The following NEB variants were observed in gnomAD, a reference collection of about 807,000 sequenced individuals.
NEB encodes the protein nebulin.
In NEB, 512 loss-of-function variants were observed where a neutral mutation model predicts 952.2. That is an observed-to-expected ratio of 0.54 (90% confidence interval 0.50 to 0.58). The LOEUF (loss-of-function observed/expected upper bound fraction) is 0.58. Among genes scored for constraint, NEB ranks in the 20% least tolerant of loss-of-function variants. NEB has a pLI of 0.00. For synonymous variants in NEB, 2,900 were observed against 3,149.8 expected, an observed-to-expected ratio of 0.92 and a Z score of 2.66; for missense variants, 8,428 against 9,231.1, an observed-to-expected ratio of 0.91 and a Z score of 3.56.
chr2:151,680,372 ATT>A (rs5835376), intron 30 of NEB, among the ~76,000 whole-genome samples: 1,477 of 145,540 alleles, frequency 0.01, 11 homozygotes, highest in Middle Eastern at 0.024. Context: ...ATTATATATG[ATT>A]TTTTTTTTTT....
At chr2:151,685,060 C>T in intron 27 of NEB, 85 bp from the exon 28 acceptor site, 2 of 1,345,902 alleles carry the variant, frequency 1.5e-6, no homozygotes, top group South Asian at 1.3e-5. Flanking sequence ...ACAATAAATA[C>T]AAGTTAGAGA....
At chr2:151,510,803 C>T (rs1373793271) in intron 161 of NEB, among the ~76,000 whole-genome samples, 1 of 152,154 alleles carries the variant, frequency 6.6e-6, no homozygotes, top group Admixed American at 6.5e-5. Context: ...AACATATCCC[C>T]CTCGGATAAG....
At position 151,643,179 on chromosome 2, in the gene NEB, C is replaced by A. The variant is rs1218410597; in HGVS notation, c.8131G>T (p.Ala2711Ser). 6.2e-7 allele frequency: 1 copy of A among 1,613,432 alleles called. No individual in the cohort carries two copies. The highest frequency in any genetic ancestry group is 8.5e-7 in the Non-Finnish European group (1 of 1,179,622). ...TTCATGGTAATAGCATTGTTTTTTG[C>A]CAAAACCATTGGTATGGAATCCATA... is the stretch of plus-strand genomic sequence containing the variant. ...SLMDSIPMVLAKNNAITMNHR... is the reference protein window; with the variant it reads ...SLMDSIPMVLSKNNAITMNHR... Residue 2711 changes from alanine to serine, a missense_variant, in exon 58 of 182, where the codon GCA becomes TCA. Ala to Ser is a moderately conservative substitution (Grantham distance 99, BLOSUM62 1). Transcript: ENST00000397345.
chr2:151,630,708 C>T lies in NEB; in HGVS notation c.9723+7G>A, dbSNP rs557480322. ...CACAATATAGCACCACAGATTTTTGCTCCTACCTCACTGTAGTTGATTTTG... is the reference window on the plus strand; with the variant it reads ...CACAATATAGCACCACAGATTTTTGTTCCTACCTCACTGTAGTTGATTTTG... On this transcript the variant is annotated splice_region_variant and intron_variant, in intron 67 of 181. Transcript: ENST00000397345. 317 of 1,592,854 alleles carry T rather than the reference C, an allele frequency of 2.0e-4. 1 individual carries two copies. In the South Asian group the frequency reaches 3.4e-3, roughly 17 times the overall value.
At chr2:151,685,064 T>C (rs2099484044) in intron 27 of NEB, 89 bp from the exon 28 acceptor site, 1 of 1,323,470 alleles carries the variant, frequency 7.6e-7, no homozygotes, top group Non-Finnish European at 1.0e-6. Context: ...TAAATACAAG[T>C]TAGAGAAAGA....
At chr2:151,697,710 CT>C in intron 13 of NEB, 62 bp from the exon 14 acceptor site, 1 of 1,020,384 alleles carries the variant, frequency 9.8e-7, no homozygotes, top group African/African-American at 1.6e-5. Context: ...GATTATAACA[CT>C]TACATTTTCT....
intron 181 of NEB, chr2:151,486,630 A>C (rs1459016844): frequency 6.6e-6 from 1 of 152,310 alleles, no homozygotes; most frequent in Non-Finnish European, 1.5e-5. Context: ...ATGCATAAGC[A>C]AGATCTGGTA....
chr2:151,661,997 G>A (rs1462889011), intron 46 of NEB, 138 bp downstream of exon 46: 16 of 615,966 alleles, frequency 2.6e-5, no homozygotes, highest in Middle Eastern at 4.3e-4. Flanking sequence ...TTTTTTTAAC[G>A]ACAAGACTCT....
Position 151,493,836 on chromosome 2 carries a change from G to C in NEB, c.24611C>G (p.Thr8204Ser). ...CATCTCAGGAGTAAAGGGTGTGGGG[G>C]TTGCTTTCCCCAGGTTCTCTTTGTA... Reference protein sequence around the residue: ...VLYKENLGKATPTPFTPEMER... With the variant: ...VLYKENLGKASPTPFTPEMER... The change falls in exon 175 of 182, where the codon ACC becomes AGC. Residue 8204 changes from threonine (T) to serine (S), a missense_variant. Physicochemically the swap from Thr to Ser is moderately conservative, Grantham distance 58. This residue lies in a region of NEB where 3,374 missense variants were observed against 3,651.5 expected (regional missense o/e 0.92). Coordinates refer to ENST00000397345, the MANE Select transcript of NEB (RefSeq NM_001164508.2). 6.3e-7 allele frequency: 1 copy of C among 1,582,866 alleles called. No individual in the cohort carries two copies. The highest frequency in any genetic ancestry group is 8.6e-7 in the Non-Finnish European group (1 of 1,163,502).
chr2:151,663,737 G>C lies in NEB; in HGVS notation c.5574C>G (p.Tyr1858Ter), dbSNP rs781185019. 6.2e-7 allele frequency: 1 copy of C among 1,613,792 alleles called. No individual in the cohort carries two copies. The highest frequency in any genetic ancestry group is 8.5e-7 in the Non-Finnish European group (1 of 1,179,798). The change falls in exon 45 of 182, where the codon TAC becomes TAG. Residue 1858 changes from tyrosine to a stop codon, truncating the protein, a stop_gained. Coordinates refer to ENST00000397345, the MANE Select transcript of NEB (RefSeq NM_001164508.2). LOFTEE classifies it high-confidence loss of function. ...TCTTGGATTTCTCATATCCCTTCTT[G>C]TATTCCCGGTCTGACTGCATCTTGG... ...QVAKMQSDRE[Y>*]KKGYEKSKTS...
rs373390654 is a variant in NEB, at chr2:151,567,484, C to T, written c.17845-5G>A. On this transcript the variant is annotated splice_polypyrimidine_tract_variant and splice_region_variant and intron_variant, in intron 113 of 181. Coordinates refer to ENST00000397345, the MANE Select transcript of NEB (RefSeq NM_001164508.2). Reference sequence around the variant, plus strand: ...ATGTTCAGCTTTGTATTTCAGCTGGCGAGAAGAGGAATATAAATTCCATCA... The same window carrying T: ...ATGTTCAGCTTTGTATTTCAGCTGGTGAGAAGAGGAATATAAATTCCATCA... 2.5e-4 allele frequency: 398 copies of T among 1,597,356 alleles called. 2 individuals are homozygous for T. The highest frequency in any genetic ancestry group is 1.5e-3 in the South Asian group (135 of 88,922).
chr2:151,672,543 C>T lies in NEB; in HGVS notation c.4125G>A (p.Glu1375=), dbSNP rs199897201. The change falls in exon 37 of 182, where the codon GAG becomes GAA. Residue 1375 remains glutamate, a synonymous_variant. Coordinates refer to ENST00000397345, the MANE Select transcript of NEB (RefSeq NM_001164508.2). ...GGGTATGGTAGCTGGTTTTGGTGTTCTCATAGTTCTTCTTGTATTCACGAT... is the reference window on the plus strand; with the variant it reads ...GGGTATGGTAGCTGGTTTTGGTGTTTTCATAGTTCTTCTTGTATTCACGAT... ...QSDREYKKNY[E]NTKTSYHTPG... 1 of 1,613,982 alleles carries T rather than the reference C, an allele frequency of 6.2e-7. No individual in the cohort carries two copies. The highest frequency in any genetic ancestry group is 2.2e-5 in the East Asian group (1 of 44,892).
intron 121 of NEB, 130 bp from the exon 122 acceptor site, chr2:151,561,442 T>C: frequency 1.5e-6 from 1 of 677,908 alleles, no homozygotes. Context: ...CAGGCTGTCA[T>C]TCTAGAGTCC....
chr2:151,572,249 G>A (rs184186637), intron 107 of NEB, among the ~76,000 whole-genome samples: 4 of 152,096 alleles, frequency 2.6e-5, no homozygotes, highest in Non-Finnish European at 5.9e-5. Flanking sequence ...TTGAACCCGG[G>A]AGGCAGAAGT....
chr2:151,712,421 G>C lies in NEB; in HGVS notation c.823-1883C>G, dbSNP rs143661332. Among the ~76,000 whole-genome samples, 144 of 152,262 alleles carry C rather than the reference G, an allele frequency of 9.5e-4. 1 individual carries two copies. Among genetic ancestry groups the C allele is most frequent in the Admixed American group, 1.5e-3 (23 of 15,292 alleles). On this transcript the variant is annotated intron_variant, in intron 10 of 181. Coordinates refer to ENST00000397345, the MANE Select transcript of NEB (RefSeq NM_001164508.2). Reference sequence around the variant, plus strand: ...GAGATAGATGTCTGGTTTTCAAGAAGATATTAAAACAAGATGCAAAACAAG... The same window carrying C: ...GAGATAGATGTCTGGTTTTCAAGAACATATTAAAACAAGATGCAAAACAAG...
chr2:151,569,359 G>A lies in NEB; in HGVS notation c.17444C>T (p.Ala5815Val). ...AATTCCACGCAACCATTCCAAGTCA[G>A]CCTTGTAAACATTCTGTGAAAACAG... ...YELQSDNVYK[A>V]DLEWLRGIGW... The change falls in exon 110 of 182, where the codon GCT becomes GTT. Residue 5815 changes from alanine to valine, a missense_variant. This residue lies in a region of NEB where 3,374 missense variants were observed against 3,651.5 expected (regional missense o/e 0.92). Transcript: ENST00000397345. 6.2e-7 allele frequency: 1 copy of A among 1,613,804 alleles called. No homozygotes were observed. Among genetic ancestry groups the A allele is most frequent in the Non-Finnish European group, 8.5e-7 (1 of 1,179,730 alleles).
In NEB at chr2:151,506,248, T is replaced by G. The variant is rs1320336855; in HGVS notation, c.23567A>C (p.Lys7856Thr). 6.2e-7 allele frequency: 1 copy of G among 1,612,300 alleles called. No homozygotes were observed. Among genetic ancestry groups the G allele is most frequent in the Non-Finnish European group, 8.5e-7 (1 of 1,178,508 alleles). ...AGCCGTTCCTGGTGAGACATCCTCT[T>G]TATATAAAACCTGGGCATTCAGAAT... ...NQKNFSSVLY[K>T]EDVSPGTAIG... Residue 7856 changes from lysine (K) to threonine (T), a missense_variant, in exon 164 of 182, where the codon AAA (lysine) becomes ACA (threonine). This residue lies in a region of NEB where 3,374 missense variants were observed against 3,651.5 expected (regional missense o/e 0.92). Transcript: ENST00000397345.
At chr2:151,642,053 A>G (rs996345337) in intron 60 of NEB, among the ~76,000 whole-genome samples, 1 of 152,316 alleles carries the variant, frequency 6.6e-6, no homozygotes, top group Middle Eastern at 3.4e-3. Context: ...TATGAGTGAG[A>G]ACATGCAGTG....
At position 151,644,005 on chromosome 2, in the gene NEB, T is replaced by C. The variant is rs543012140; in HGVS notation, c.7769A>G (p.Lys2590Arg). The C allele has an allele frequency of 8.7e-6, 14 of 1,613,994 alleles. No individual in the cohort carries two copies. The Admixed American group carries it at 2.0e-4, about 23-fold the overall frequency. ...GGTCTTCCACTTCTCAAAGTCCTTC[T>C]TGTACTCCCTGTCACTCTGGATCTT... ...VAKIQSDREY[K>R]KDFEKWKTKF... The change falls in exon 57 of 182, where the codon AAG (lysine) becomes AGG (arginine). Residue 2590 changes from lysine (K) to arginine (R), a missense_variant. By Grantham distance (26) the Lys-to-Arg change is conservative. Coordinates refer to ENST00000397345, the MANE Select transcript of NEB (RefSeq NM_001164508.2).
Sources: gnomAD v4.1 joint callset for allele counts (sites outside exome capture counted in the v4.1 genomes callset) on GRCh38, gnomAD v4.1.1 for gene constraint, gnomAD v4.1.1 regional missense constraint, MANE v1.5 for transcripts, NCBI Gene and HGNC (gene_info 2026-07-23, HGNC 2026-07-21) for gene names.